CENPQ: variants seen among roughly 807,000 people sequenced by gnomAD.
CENPQ encodes the protein chromosome 6 open reading frame 139.
Under a neutral mutation model 36.6 loss-of-function variants are expected in CENPQ, and 27 were observed. The ratio of observed to expected loss-of-function variants is 0.74; its 90% CI spans 0.54 to 1.02. The LOEUF is 1.02. Ranked by LOEUF, CENPQ falls within the 50% of genes least tolerant of loss-of-function variation. CENPQ has a pLI of 0.00. For synonymous variants in CENPQ, 101 were observed against 101.7 expected (o/e 0.99, Z 0.04); for missense variants, 306 against 301.8 (o/e 1.01, Z -0.10).
At chr6:49,475,129 AAG>A (rs1028371520) in intron 5 of CENPQ, among the ~76,000 whole-genome samples, 13 of 152,196 alleles carry the variant, frequency 8.5e-5, no homozygotes, top group Non-Finnish European at 1.6e-4. Flanking sequence ...TCAATAGAAA[AAG>A]AGGGAATTTT....
chr6:49,468,238 T>A (rs543597266), intron 1 of CENPQ, among the ~76,000 whole-genome samples: 1 of 151,896 alleles, frequency 6.6e-6, no homozygotes, highest in East Asian at 1.9e-4. Flanking sequence ...AGCTAAGACT[T>A]TCCTGGGGTT....
intron 6 of CENPQ, among the ~76,000 whole-genome samples, chr6:49,485,752 G>A (rs1768561207): frequency 6.6e-6 from 1 of 150,680 alleles, no homozygotes; most frequent in Non-Finnish European, 1.5e-5. Context: ...GTAAATAGAA[G>A]ATAAAGAGAA....
chr6:49,482,479 C>T (rs1219675995), intron 6 of CENPQ, among the ~76,000 whole-genome samples: 4 of 152,176 alleles, frequency 2.6e-5, no homozygotes, highest in Non-Finnish European at 5.9e-5. Context: ...GATGAAGGGG[C>T]CCTGGAGTTG....
chr6:49,481,501 C>A (rs971808939), intron 6 of CENPQ, among the ~76,000 whole-genome samples: 6 of 151,954 alleles, frequency 3.9e-5, no homozygotes, highest in Admixed American at 3.3e-4. Flanking sequence ...CAGTGTGGAC[C>A]CAAAGAGTGA....
At chr6:49,483,517 G>T (rs188824897) in intron 6 of CENPQ, among the ~76,000 whole-genome samples, 3 of 152,152 alleles carry the variant, frequency 2.0e-5, no homozygotes, top group East Asian at 1.9e-4. Context: ...ACCCTCTGAG[G>T]GGGGAGGCTC....
intron 2 of CENPQ, among the ~76,000 whole-genome samples, 197 bp downstream of exon 2, chr6:49,470,475 C>T (rs1189277377): frequency 6.6e-6 from 1 of 151,522 alleles, no homozygotes; most frequent in African/African-American, 2.4e-5. Flanking sequence ...AAAAATTAGC[C>T]AGGCGTGGTG....
At chr6:49,464,243 A>G (rs1006418049) in intron 1 of CENPQ, among the ~76,000 whole-genome samples, 8 of 152,242 alleles carry the variant, frequency 5.3e-5, no homozygotes, top group African/African-American at 1.9e-4. Flanking sequence ...ATTGTAACCT[A>G]TTAAGTGTGC....
At chr6:49,464,826 C>G (rs1352619955) in intron 1 of CENPQ, among the ~76,000 whole-genome samples, 1 of 152,212 alleles carries the variant, frequency 6.6e-6, no homozygotes, top group East Asian at 1.9e-4. Flanking sequence ...CCACTGAAGT[C>G]TTGAACAAAG....
In CENPQ at chr6:49,470,995, A is replaced by T; in HGVS notation, c.124A>T (p.Asn42Tyr). The T allele has an allele frequency of 6.5e-7, 1 of 1,534,264 alleles. No individual in the cohort carries two copies. Residue 42 changes from asparagine to tyrosine, a missense_variant, in exon 3 of 9, where the codon AAT (asparagine) becomes TAT (tyrosine). Coordinates refer to ENST00000335783, the MANE Select transcript of CENPQ (RefSeq NM_018132.4). Reference sequence around the variant, plus strand: ...CTAGGTTAGAAACACAGTGAAAAAAAATAAAAATCATCTGAAAGATCTGTC... The same window carrying T: ...CTAGGTTAGAAACACAGTGAAAAAATATAAAAATCATCTGAAAGATCTGTC... The part of the protein sequence containing the change: ...ENKVRNTVKK[N>Y]KNHLKDLSSE...
chr6:49,480,703 T>TTACTAAA (rs1768406036), intron 5 of CENPQ, among the ~76,000 whole-genome samples: 1 of 152,148 alleles, frequency 6.6e-6, no homozygotes, highest in South Asian at 2.1e-4. Context: ...ATGTGTAAGA[T>TTACTAAA]AGAAAATTTG....
rs556957026 is a variant in CENPQ at position 49,478,974 on chromosome 6, T to C, written c.348-1977T>C. On this transcript the variant is annotated intron_variant, in intron 5 of 8. Coordinates refer to ENST00000335783, the MANE Select transcript of CENPQ (RefSeq NM_018132.4). ...TATTTAGAACATTTGGAGCAGTGAA[T>C]GACTCTTCCACATAATTGGTTTAAT... is the stretch of plus-strand genomic sequence containing the variant. Among the ~76,000 whole-genome samples the C allele has an allele frequency of 2.0e-5, 3 of 152,300 alleles. No homozygotes were observed. In the South Asian group the frequency reaches 6.2e-4, roughly 32 times the overall value.
chr6:49,470,551 G>A (rs905774619), intron 2 of CENPQ, among the ~76,000 whole-genome samples: 1 of 150,020 alleles, frequency 6.7e-6, no homozygotes, highest in African/African-American at 2.5e-5. Flanking sequence ...GAACCCGGGA[G>A]GCAGAGGTTG....
At chr6:49,475,869 G>T (rs958447863) in intron 5 of CENPQ, among the ~76,000 whole-genome samples, 7 of 142,118 alleles carry the variant, frequency 4.9e-5, no homozygotes, top group Non-Finnish European at 1.1e-4. Context: ...CCTTACAAGG[G>T]ACGTGAAGGA....
chr6:49,492,720 C>T lies in CENPQ; in HGVS notation c.*445C>T, dbSNP rs1768754842. 1 of 152,354 alleles carries T rather than the reference C, an allele frequency of 6.6e-6. No homozygotes were observed. The highest frequency in any genetic ancestry group is 2.4e-5 in the African/African-American group (1 of 41,464). 9.4% of individuals were successfully genotyped at this position (152,354 alleles called of 1,614,324 possible). On this transcript the variant is annotated 3_prime_UTR_variant, in exon 9 of 9. Coordinates refer to ENST00000335783, the MANE Select transcript of CENPQ (RefSeq NM_018132.4). ...ACAGTTTCTGTCTGGTCATCTGGAA[C>T]TTGAAAAATCCTCAAATGCCTTCAC...
intron 1 of CENPQ, among the ~76,000 whole-genome samples, chr6:49,468,515 A>G (rs1292509350): frequency 6.6e-6 from 1 of 151,300 alleles, no homozygotes; most frequent in Non-Finnish European, 1.5e-5. Flanking sequence ...AATCGCTTAA[A>G]CCTGGGAGGC....
At chr6:49,470,799 C>T (rs1581844521) in intron 2 of CENPQ, among the ~76,000 whole-genome samples, 175 bp from the exon 3 acceptor site, 2 of 152,096 alleles carry the variant, frequency 1.3e-5, no homozygotes, top group East Asian at 3.9e-4. Context: ...TTTAGTATGT[C>T]CTCTCTGTGA....
rs1768180320 is a variant in CENPQ at position 49,472,928 on chromosome 6, A to T, written c.347+70A>T. The T allele has an allele frequency of 2.7e-5, 30 of 1,093,798 alleles. No homozygotes were observed. In the South Asian group the frequency reaches 7.2e-4, roughly 26 times the overall value. 67.8% of individuals were successfully genotyped at this position (1,093,798 alleles called of 1,614,324 possible). On this transcript the variant is annotated intron_variant, in intron 5 of 8. Coordinates refer to ENST00000335783, the MANE Select transcript of CENPQ (RefSeq NM_018132.4). Reference sequence around the variant, plus strand: ...AAACCTGACTTCTTTCTATGTTGCCAAATAGACACTTGTGGAATGTAAGTT... The same window carrying T: ...AAACCTGACTTCTTTCTATGTTGCCTAATAGACACTTGTGGAATGTAAGTT...
chr6:49,493,016 TA>T lies in CENPQ; in HGVS notation c.*747del, dbSNP rs1768763051. 1 of 150,878 alleles carries T rather than the reference TA, an allele frequency of 6.6e-6. No homozygotes were observed. The highest frequency in any genetic ancestry group is 6.6e-5 in the Admixed American group (1 of 15,086). The allele number at this position is 150,878 out of a possible 1,614,324, so 9.3% of individuals were successfully genotyped here. A position where few individuals can be genotyped will look rare whatever the true frequency, so the allele number is the denominator to read the frequency against. On this transcript the variant is annotated 3_prime_UTR_variant, in exon 9 of 9. Transcript: ENST00000335783. ...TGTGAATAAGTTATAACCTAGTGTA[TA>T]AAAAATTATTTCTAACAAACTACAG...
intron 5 of CENPQ, 119 bp from the exon 6 acceptor site, chr6:49,480,832 T>G (rs1158508310): frequency 3.9e-6 from 2 of 519,006 alleles, no homozygotes; most frequent in East Asian, 7.6e-5. Flanking sequence ...TGTTACCCAG[T>G]GGTAATAAAA....
Sources: allele counts gnomAD v4.1 joint callset (sites outside exome capture counted in the v4.1 genomes callset), GRCh38; gene constraint gnomAD v4.1.1; transcripts MANE v1.5; gene names NCBI Gene and HGNC (gene_info 2026-07-23, HGNC 2026-07-21).